RBPJ: variants seen among roughly 807,000 people sequenced by gnomAD.
The protein encoded by RBPJ is recombination signal binding protein for immunoglobulin kappa J region, also known as recombining binding protein suppressor of hairless.
A neutral mutation model predicts 67.8 loss-of-function variants in RBPJ; 9 were observed. The observed-to-expected ratio is 0.13, with a 90% CI of 0.08 to 0.23. The LOEUF (loss-of-function observed/expected upper bound fraction) is 0.23, where lower values mean the gene tolerates loss of function less well. RBPJ is among the 10% of genes least tolerant of loss of function. The pLI is 1.00. For missense variants in RBPJ, 305 were observed against 595.6 expected (o/e 0.51, Z 5.08); for synonymous variants, 198 against 203.3 (o/e 0.97, Z 0.22).
intron 1 of RBPJ, among the ~76,000 whole-genome samples, chr4:26,213,352 T>C (rs1266966836): frequency 6.6e-6 from 1 of 152,222 alleles, no homozygotes; most frequent in Non-Finnish European, 1.5e-5. Context: ...TGTTCATTGT[T>C]ATAATTCAAG....
chr4:26,198,111 G>T (rs529336635), intron 1 of RBPJ, among the ~76,000 whole-genome samples: 1 of 151,972 alleles, frequency 6.6e-6, no homozygotes, highest in African/African-American at 2.4e-5. Context: ...AAAATTAGCC[G>T]GGCGTGGTGG....
chr4:26,412,399 T>G (rs1368571814), intron 3 of RBPJ, among the ~76,000 whole-genome samples: 1 of 151,984 alleles, frequency 6.6e-6, no homozygotes, highest in African/African-American at 2.4e-5. Flanking sequence ...GCCTGGCTAA[T>G]TTTTGTACTT....
intron 2 of RBPJ, among the ~76,000 whole-genome samples, chr4:26,401,803 GTTTTGTGCTGGGAAA>G (rs1732840931): frequency 6.6e-6 from 1 of 151,732 alleles, no homozygotes; most frequent in Non-Finnish European, 1.5e-5. Context: ...AGCTCTTCAA[GTTTTGTGCTGGGAAA>G]TTTTGTGCCA....
Position 26,222,550 on chromosome 4 carries a change from C to G in RBPJ, c.-167+58936C>G, listed in dbSNP as rs9999704. Among the ~76,000 whole-genome samples the G allele has an allele frequency of 3.5e-3, 510 of 146,930 alleles. 4 individuals are homozygous for G. Among genetic ancestry groups the G allele is most frequent in the African/African-American group, 0.012 (490 of 40,074 alleles). ...TAAGGTGATGAGTTTTCCAGTTATC[C>G]TGATTTGATTTTTATACATTATATA... On this transcript the variant is annotated intron_variant, in intron 1 of 4. Transcript: ENST00000512351.
intron 1 of RBPJ, among the ~76,000 whole-genome samples, chr4:26,204,218 G>A (rs1330965485): frequency 6.6e-6 from 1 of 152,188 alleles, no homozygotes; most frequent in Non-Finnish European, 1.5e-5. Flanking sequence ...AAAACACTGG[G>A]ATTACAGGTG....
At chr4:26,177,179 C>G (rs532620270) in intron 1 of RBPJ, among the ~76,000 whole-genome samples, 1 of 152,256 alleles carries the variant, frequency 6.6e-6, no homozygotes, top group African/African-American at 2.4e-5. Context: ...CATAGGAGAG[C>G]ATCTCATCCT....
At chr4:26,191,202 T>G (rs1214387048) in intron 1 of RBPJ, among the ~76,000 whole-genome samples, 121 of 32,164 alleles carry the variant, frequency 3.8e-3, no homozygotes, top group African/African-American at 0.01. Context: ...TATATATATA[T>G]ATATATATAG....
chr4:26,329,145 C>T (rs1003930020), intron 1 of RBPJ, among the ~76,000 whole-genome samples: 2 of 152,164 alleles, frequency 1.3e-5, no homozygotes, highest in South Asian at 4.1e-4. Context: ...AGGCATGCGC[C>T]ACCACTTTCA....
At chr4:26,249,200 TC>T (rs1720018300) in intron 1 of RBPJ, among the ~76,000 whole-genome samples, 1 of 152,186 alleles carries the variant, frequency 6.6e-6, no homozygotes, top group Non-Finnish European at 1.5e-5. Flanking sequence ...TTAAGAAGTC[TC>T]TTAAGTAAGC....
At chr4:26,148,137 A>G in the RBPJ span, among the ~76,000 whole-genome samples, 1 of 152,234 alleles carries the variant, frequency 6.6e-6, no homozygotes, top group East Asian at 1.9e-4. Flanking sequence ...GGATTGTGGA[A>G]CTTAAGGGAG....
At chr4:26,106,594 G>A in the RBPJ span, among the ~76,000 whole-genome samples, 1 of 152,286 alleles carries the variant, frequency 6.6e-6, no homozygotes, top group Admixed American at 6.5e-5. Flanking sequence ...TTTTGCAGGA[G>A]CTTTCAAATT....
chr4:26,176,623 T>C (rs1716803083), intron 1 of RBPJ, among the ~76,000 whole-genome samples: 1 of 152,240 alleles, frequency 6.6e-6, no homozygotes, highest in South Asian at 2.1e-4. Flanking sequence ...GACGTCCCCC[T>C]TCAACACTAT....
intron 1 of RBPJ, among the ~76,000 whole-genome samples, chr4:26,186,162 C>T (rs556528514): frequency 6.9e-6 from 1 of 145,816 alleles, no homozygotes; most frequent in Admixed American, 7.0e-5. Flanking sequence ...TAGAGAATAC[C>T]GTAACTTCTT....
At chr4:26,285,076 C>T (rs1466301735) in intron 1 of RBPJ, among the ~76,000 whole-genome samples, 3 of 151,840 alleles carry the variant, frequency 2.0e-5, no homozygotes, top group Admixed American at 6.6e-5. Context: ...AGGCTGATCT[C>T]GAACTCCTGA....
chr4:26,124,268 A>G, the RBPJ span, among the ~76,000 whole-genome samples: 3 of 151,288 alleles, frequency 2.0e-5, no homozygotes, highest in African/African-American at 7.3e-5. Flanking sequence ...GCATCCTCAT[A>G]GCTTAGCTCC....
At chr4:26,152,786 GA>G in the RBPJ span, among the ~76,000 whole-genome samples, 1 of 152,174 alleles carries the variant, frequency 6.6e-6, no homozygotes, top group Non-Finnish European at 1.5e-5. Flanking sequence ...GAAAAGAGTG[GA>G]ATGAATTTGC....
At chr4:26,262,777 C>A (rs1209838737) in intron 1 of RBPJ, among the ~76,000 whole-genome samples, 3 of 152,182 alleles carry the variant, frequency 2.0e-5, no homozygotes. Context: ...TTGGGACATC[C>A]CTTTTATGGT....
At chr4:26,241,406 A>G (rs2109218911) in intron 1 of RBPJ, among the ~76,000 whole-genome samples, 1 of 152,208 alleles carries the variant, frequency 6.6e-6, no homozygotes, top group East Asian at 1.9e-4. Context: ...TTCCAGGCAA[A>G]CTCAGAGGTT....
chr4:26,331,597 C>T (rs1047660624), intron 1 of RBPJ, among the ~76,000 whole-genome samples: 4 of 152,158 alleles, frequency 2.6e-5, no homozygotes, highest in African/African-American at 9.7e-5. Flanking sequence ...GCTCTTTCCT[C>T]GTTTGCTGTG....
Sources: allele counts gnomAD v4.1 joint callset (sites outside exome capture counted in the v4.1 genomes callset), GRCh38; gene constraint gnomAD v4.1.1; transcripts MANE v1.5; gene names NCBI Gene and HGNC (gene_info 2026-07-23, HGNC 2026-07-21).